Variants in MTUS1 observed in about 807,000 individuals in gnomAD.
MTUS1 encodes the protein microtubule associated scaffold protein 1.
In MTUS1, 109 loss-of-function variants were observed where a neutral mutation model predicts 120.8. That is an observed-to-expected ratio of 0.90 (90% confidence interval 0.77 to 1.06). The LOEUF (loss-of-function observed/expected upper bound fraction) is 1.06. Ranked by LOEUF, MTUS1 falls within the 50% of genes least tolerant of loss-of-function variation. The probability of loss-of-function intolerance (pLI) is 0.00; values close to 1 mark genes in which losing one functional copy is unlikely to be tolerated. For missense variants in MTUS1, 2,210 were observed against 1,486.3 expected, an observed-to-expected ratio of 1.49 and a Z score of -8.01; for synonymous variants, 737 against 550.5, an observed-to-expected ratio of 1.34 and a Z score of -4.74.
intron 8 of MTUS1, among the ~76,000 whole-genome samples, chr8:17,669,531 A>T (rs1472783527): frequency 6.6e-6 from 1 of 152,058 alleles, no homozygotes; most frequent in Non-Finnish European, 1.5e-5. Context: ...GCCAAAATAG[A>T]GTCTTTTGTG....
At chr8:17,730,968 T>A (rs549758109) in intron 3 of MTUS1, among the ~76,000 whole-genome samples, 91 of 139,222 alleles carry the variant, frequency 6.5e-4, no homozygotes, top group African/African-American at 2.4e-3. Context: ...AAATGGCACA[T>A]TCTGTGCAAT....
chr8:17,662,977 T>C (rs902546174), intron 8 of MTUS1, among the ~76,000 whole-genome samples: 2 of 152,138 alleles, frequency 1.3e-5, no homozygotes, highest in Non-Finnish European at 2.9e-5. Flanking sequence ...GAAGTCAGTA[T>C]TTTCACTCTG....
chr8:17,676,628 A>T (rs1287611268), intron 7 of MTUS1: 1 of 389,002 alleles, frequency 2.6e-6, no homozygotes, highest in African/African-American at 2.0e-5. Context: ...ATTGCCATTT[A>T]GTTAAATATC....
chr8:17,724,377 G>A (rs997494430), intron 3 of MTUS1, among the ~76,000 whole-genome samples: 3 of 152,120 alleles, frequency 2.0e-5, no homozygotes, highest in Middle Eastern at 3.2e-3. Context: ...ATTCTCCTGA[G>A]TGGAAAATTT....
intron 1 of MTUS1, among the ~76,000 whole-genome samples, chr8:17,777,124 C>A (rs529428146): frequency 6.6e-6 from 1 of 152,080 alleles, no homozygotes; most frequent in Non-Finnish European, 1.5e-5. Flanking sequence ...TTTTCCCACC[C>A]CCAGCATTTG....
intron 2 of MTUS1, among the ~76,000 whole-genome samples, chr8:17,749,265 T>C (rs1203320235): frequency 6.6e-6 from 1 of 152,204 alleles, no homozygotes; most frequent in Non-Finnish European, 1.5e-5. Context: ...GAAGGTTTCA[T>C]CTGTATGATA....
chr8:17,785,659 T>C (rs2051242241), intron 1 of MTUS1, among the ~76,000 whole-genome samples: 1 of 152,212 alleles, frequency 6.6e-6, no homozygotes, highest in African/African-American at 2.4e-5. Flanking sequence ...TGTATTTTTA[T>C]TCCATCTCAC....
rs749867016 is a variant in MTUS1 at position 17,755,255 on chromosome 8, G to A, written c.553C>T (p.His185Tyr). ...HHAIGKSQSF[H>Y]TAGSLPPTGR... The stretch of plus-strand genomic sequence containing the variant: ...GTTGGTGGCAGGCTTCCAGCAGTAT[G>A]GAAGGACTGACTCTTTCCGATGGCA... Residue 185 changes from histidine (H) to tyrosine (Y), a missense_variant, in exon 2 of 15, where the codon CAT becomes TAT. Transcript: ENST00000693296. 1 of 1,614,182 alleles carries A rather than the reference G, an allele frequency of 6.2e-7. No individual in the cohort carries two copies. The highest frequency in any genetic ancestry group is 1.7e-5 in the Admixed American group (1 of 60,032).
intron 1 of MTUS1, among the ~76,000 whole-genome samples, chr8:17,796,914 C>G (rs778014775): frequency 2.0e-5 from 3 of 152,132 alleles, no homozygotes; most frequent in Non-Finnish European, 2.9e-5. Flanking sequence ...GAATTCGAGA[C>G]CAAGTTGGCC....
At chr8:17,726,111 C>T (rs1040231231) in intron 3 of MTUS1, among the ~76,000 whole-genome samples, 5 of 152,208 alleles carry the variant, frequency 3.3e-5, no homozygotes, top group African/African-American at 1.2e-4. Context: ...TCTATCCCCT[C>T]CCCTATTTCT....
chr8:17,689,263 G>C (rs943673116), intron 6 of MTUS1, among the ~76,000 whole-genome samples: 2 of 152,114 alleles, frequency 1.3e-5, no homozygotes, highest in African/African-American at 2.4e-5. Flanking sequence ...CCAATTATTT[G>C]TAGGGGGAGG....
intron 4 of MTUS1, chr8:17,722,510 T>G (rs1330840620): frequency 3.0e-6 from 3 of 985,244 alleles, no homozygotes; most frequent in Non-Finnish European, 3.6e-6. Flanking sequence ...AACAATCCTG[T>G]TTAATTGCAA....
At chr8:17,653,521 T>C (rs202165836) in intron 10 of MTUS1, 23 bp from the exon 11 acceptor site, 7 of 1,547,312 alleles carry the variant, frequency 4.5e-6, no homozygotes, top group East Asian at 2.2e-5. Context: ...ACGGATATTT[T>C]TGAGGCAATA....
chr8:17,705,533 T>A (rs752085929), intron 6 of MTUS1: 1 of 152,212 alleles, frequency 6.6e-6, no homozygotes, highest in Non-Finnish European at 1.5e-5. Flanking sequence ...CAACACCAAT[T>A]TGAAACAAAA....
chr8:17,767,961 G>T lies in MTUS1; in HGVS notation c.-154-12000C>A, dbSNP rs78645765. Among the ~76,000 whole-genome samples, 1,417 of 152,308 alleles carry T rather than the reference G, an allele frequency of 9.3e-3. 36 individuals are homozygous for T. The highest frequency in any genetic ancestry group is 0.033 in the African/African-American group (1,364 of 41,550). ...GGGCAGATGGGAACTCCTGGCAGTG[G>T]CAGCACGAGGCAAAGGAGAGGACAA... is the stretch of plus-strand genomic sequence containing the variant. On this transcript the variant is annotated intron_variant, in intron 1 of 14. Coordinates refer to ENST00000693296, the MANE Select transcript of MTUS1 (RefSeq NM_001363059.2).
At chr8:17,767,906 T>C (rs1488918949) in intron 1 of MTUS1, among the ~76,000 whole-genome samples, 1 of 151,900 alleles carries the variant, frequency 6.6e-6, no homozygotes. Context: ...GATGTCCTAG[T>C]GAGGAGAGAC....
intron 6 of MTUS1, among the ~76,000 whole-genome samples, chr8:17,695,784 G>A (rs1185938544): frequency 3.9e-5 from 6 of 152,106 alleles, no homozygotes; most frequent in East Asian, 3.9e-4. Context: ...TATATAGTAC[G>A]CTTTTATTTC....
chr8:17,771,143 C>T (rs1667007146), intron 1 of MTUS1, among the ~76,000 whole-genome samples: 1 of 152,056 alleles, frequency 6.6e-6, no homozygotes, highest in Admixed American at 6.6e-5. Flanking sequence ...AGTGTTATAT[C>T]CTTTAAACTT....
chr8:17,761,462 C>G (rs1163433665), intron 1 of MTUS1, among the ~76,000 whole-genome samples: 2 of 152,174 alleles, frequency 1.3e-5, no homozygotes, highest in African/African-American at 4.8e-5. Context: ...GAGAAATCAA[C>G]TGCATGACGT....
Sources: gnomAD v4.1 joint callset for allele counts (sites outside exome capture counted in the v4.1 genomes callset) on GRCh38, gnomAD v4.1.1 for gene constraint, MANE v1.5 for transcripts, NCBI Gene and HGNC (gene_info 2026-07-23, HGNC 2026-07-21) for gene names.